The following POLG variants were observed in gnomAD, a reference collection of about 807,000 sequenced individuals.
POLG encodes DNA polymerase gamma, catalytic subunit.
A neutral mutation model predicts 155.4 loss-of-function variants in POLG; 110 were observed. The observed-to-expected ratio is 0.71, with a 90% CI of 0.61 to 0.83. POLG has a LOEUF of 0.83. POLG is among the 40% of genes least tolerant of loss of function. The pLI, the probability that POLG is intolerant of heterozygous loss-of-function variation, is 0.00. For synonymous variants in POLG, 701 were observed against 631.5 expected (o/e 1.11, Z -1.65); for missense variants, 1,685 against 1,627.5 (o/e 1.04, Z -0.61).
Position 89,333,440 on chromosome 15 carries a change from C to T in POLG, c.315G>A (p.Glu105=), listed in dbSNP as rs1411980838. The change falls in exon 2 of 23, where the codon GAG becomes GAA. Residue 105 remains glutamate, a synonymous_variant. Coordinates refer to ENST00000268124, the MANE Select transcript of POLG (RefSeq NM_002693.3). ...PGEAAVRRSV[E]HLQKHGLWGQ... ...CCCAGAGCCCGTGCTTCTGCAGGTG[C>T]TCGACGCTGCGGCGCACCGCGGCCT... The T allele has an allele frequency of 6.2e-7, 1 of 1,609,456 alleles. No individual in the cohort carries two copies. Among genetic ancestry groups the T allele is most frequent in the Non-Finnish European group, 8.5e-7 (1 of 1,179,648 alleles).
chr15:89,317,081 A>G (rs1220492193), intron 22 of POLG: 3 of 590,874 alleles, frequency 5.1e-6, no homozygotes, highest in Non-Finnish European at 6.0e-6. Context: ...TTTTTCTGTC[A>G]CCTATAGAGT....
intron 22 of POLG, 41 bp from the exon 23 acceptor site, chr15:89,316,868 A>G: frequency 2.1e-6 from 3 of 1,410,802 alleles, no homozygotes; most frequent in Non-Finnish European, 2.0e-6. Flanking sequence ...CACCTCAAGA[A>G]CTGTAACTGA....
chr15:89,322,254 CG>C (rs1277673807), intron 14 of POLG, among the ~76,000 whole-genome samples: 1 of 152,158 alleles, frequency 6.6e-6, no homozygotes, highest in Non-Finnish European at 1.5e-5. Flanking sequence ...CGCTCCTCTC[CG>C]GGGGGCATCC....
Position 89,318,620 on chromosome 15 carries a change from C to A in POLG, c.3403G>T (p.Asp1135Tyr). Residue 1135 changes from aspartate to tyrosine, a missense_variant, in exon 21 of 23, where the codon GAC (aspartate) becomes TAC (tyrosine). By Grantham distance (160) the Asp-to-Tyr change is radical (BLOSUM62 -3). Around this residue, in one of 3 missense-constraint regions of POLG, gnomAD observed 470 missense variants for 439.9 expected, o/e 1.07. Coordinates refer to ENST00000268124, the MANE Select transcript of POLG (RefSeq NM_002693.3). ...IDGRFCISIH[D>Y]EVRYLVREED... ...TCCCGCACCAGGTAGCGAACCTCGT[C>A]ATGGATGCTGATGCAGAAGCGCCCA... 1 of 1,614,202 alleles carries A rather than the reference C, an allele frequency of 6.2e-7. No homozygotes were observed. The highest frequency in any genetic ancestry group is 8.5e-7 in the Non-Finnish European group (1 of 1,180,034).
chr15:89,324,906 G>C (rs1364501909), intron 10 of POLG, among the ~76,000 whole-genome samples: 1 of 152,182 alleles, frequency 6.6e-6, no homozygotes, highest in African/African-American at 2.4e-5. Flanking sequence ...TTCCTGTGAA[G>C]GCAGCTATGC....
Position 89,333,899 on chromosome 15 carries a change from C to T in POLG, c.-145G>A. Reference sequence around the variant, plus strand: ...GTGAAATGGGTTTGACCATGCCTGCCTTCCACCCCAAATCCTAAAGGAGAC... The same window carrying T: ...GTGAAATGGGTTTGACCATGCCTGCTTTCCACCCCAAATCCTAAAGGAGAC... On this transcript the variant is annotated 5_prime_UTR_variant, in exon 2 of 23. Transcript: ENST00000268124. 1.0e-5 allele frequency: 9 copies of T among 885,848 alleles called. No individual in the cohort carries two copies. The highest frequency in any genetic ancestry group is 1.5e-5 in the South Asian group (1 of 65,872). The allele number at this position is 885,848 out of a possible 1,614,324, so 54.9% of individuals were successfully genotyped here.
chr15:89,317,269 A>G, intron 22 of POLG, 107 bp downstream of exon 22: 1 of 916,202 alleles, frequency 1.1e-6, no homozygotes, highest in Non-Finnish European at 1.8e-6. Flanking sequence ...ATATAGCCTG[A>G]GTCAAGAGTG....
chr15:89,327,324 C>A lies in POLG; in HGVS notation c.1276G>T (p.Gly426Cys). 1 of 1,613,850 alleles carries A rather than the reference C, an allele frequency of 6.2e-7. No homozygotes were observed. Among genetic ancestry groups the A allele is most frequent in the Non-Finnish European group, 8.5e-7 (1 of 1,180,030 alleles). The change falls in exon 7 of 23, where the codon GGC becomes TGC. Residue 426 changes from glycine to cysteine, a missense_variant. By Grantham distance (159) the Gly-to-Cys change is radical (BLOSUM62 -3). Coordinates refer to ENST00000268124, the MANE Select transcript of POLG (RefSeq NM_002693.3). Reference sequence around the variant, plus strand: ...TAGGAGACACCCATCTCCAGCATGCCGGCCAGAGTCACTGGGTGGGGACAC... The same window carrying A: ...TAGGAGACACCCATCTCCAGCATGCAGGCCAGAGTCACTGGGTGGGGACAC... ...ERCPHPVTLAGMLEMGVSYLP... is the reference protein window; with the variant it reads ...ERCPHPVTLACMLEMGVSYLP...
chr15:89,323,858 A>G lies in POLG; in HGVS notation c.2114T>C (p.Met705Thr). 1 of 1,614,148 alleles carries G rather than the reference A, an allele frequency of 6.2e-7. No individual in the cohort carries two copies. The highest frequency in any genetic ancestry group is 8.5e-7 in the Non-Finnish European group (1 of 1,179,986). ...DYLEVEAEAK[M>T]ENLRAAVPGQ... is the part of the protein sequence containing the mutation. ...TGGCACTGCAGCTCGCAAGTTCTCC[A>G]TCTTGGCCTCAGCCTCCACTTCTAA... Residue 705 changes from methionine (M) to threonine (T), a missense_variant, in exon 12 of 23, where the codon ATG becomes ACG. Physicochemically the swap from Met to Thr is moderately conservative, Grantham distance 81 (BLOSUM62 -1). Transcript: ENST00000268124.
rs2055453915 is a variant in POLG, at chr15:89,325,041, T to TGAGTGAGTGAGAGAGTGAGTGAGTGAGA, written c.1949+408_1949+409insTCTCACTCACTCACTCTCTCACTCACTC. Among the ~76,000 whole-genome samples the TGAGTGAGTGAGAGAGTGAGTGAGTGAGA allele has an allele frequency of 2.3e-4, 12 of 52,028 alleles. 3 individuals are homozygous for TGAGTGAGTGAGAGAGTGAGTGAGTGAGA. Among genetic ancestry groups the TGAGTGAGTGAGAGAGTGAGTGAGTGAGA allele is most frequent in the African/African-American group, 9.5e-4 (12 of 12,680 alleles). 34.1% of individuals were successfully genotyped at this position (52,028 alleles called of 152,430 possible). Reference sequence around the variant, plus strand: ...GAAGAAAAAACCTGAACCCAGAGAGTGAGTGAGTGAGTGAGAGAGTGAGTG... The same window carrying TGAGTGAGTGAGAGAGTGAGTGAGTGAGA: ...GAAGAAAAAACCTGAACCCAGAGAGTGAGTGAGTGAGAGAGTGAGTGAGTGAGAGAGTGAGTGAGTGAGAGAGTGAGTG... On this transcript the variant is annotated intron_variant, in intron 10 of 22. Transcript: ENST00000268124.
Position 89,325,647 on chromosome 15 carries a change from T to G in POLG, c.1752A>C (p.Ala584=), listed in dbSNP as rs150929445. The G allele has an allele frequency of 1.6e-5, 26 of 1,611,852 alleles. No homozygotes were observed. The African/African-American group carries it at 3.3e-4, about 21-fold the overall frequency. Residue 584 remains alanine, a synonymous_variant, in exon 10 of 23, where the codon GCA becomes GCC. Coordinates refer to ENST00000268124, the MANE Select transcript of POLG (RefSeq NM_002693.3). ...TGAGGAGGCTGGGGCCCGGGGTCCA[T>G]GCAGGGTCGTCTAGCCGGGGGCAGA... The part of the protein sequence containing the change: ...RKLCPRLDDP[A]WTPGPSLLSL...
intron 10 of POLG, 43 bp from the exon 11 acceptor site, chr15:89,324,270 T>G: frequency 1.2e-6 from 2 of 1,605,598 alleles, no homozygotes; most frequent in South Asian, 1.1e-5. Context: ...GATTACCAGA[T>G]GCCCACTCTG....
intron 9 of POLG, 128 bp downstream of exon 9, chr15:89,326,484 C>A: frequency 9.6e-7 from 1 of 1,042,754 alleles, no homozygotes; most frequent in Non-Finnish European, 1.4e-6. Flanking sequence ...GACAGTGTGA[C>A]TGAATGGCAG....
rs1434195885 is a variant in POLG, at chr15:89,333,119, C to T, written c.636G>A (p.Ala212=). 6.6e-7 allele frequency: 1 copy of T among 1,523,074 alleles called. No individual in the cohort carries two copies. Among genetic ancestry groups the T allele is most frequent in the Non-Finnish European group, 8.8e-7 (1 of 1,135,484 alleles). The allele number at this position is 1,523,074 out of a possible 1,614,324, so 94.3% of individuals were successfully genotyped here. ...ACCAGGCCGAGGGGGATATGGCCAC[C>T]GCCAATGTGGGGCAAGTTCCCTCTG... is the stretch of plus-strand genomic sequence containing the variant. ...CLAEGTCPTL[A]VAISPSAWYS... The change falls in exon 2 of 23, where the codon GCG becomes GCA. Residue 212 remains alanine (A), a synonymous_variant. Transcript: ENST00000268124.
chr15:89,325,799 G>A, intron 9 of POLG, 113 bp from the exon 10 acceptor site: 2 of 884,002 alleles, frequency 2.3e-6, no homozygotes, highest in Non-Finnish European at 1.9e-6. Context: ...GGGCTTTCTG[G>A]TGACCCCAGC....
rs564582352 is a variant in POLG at position 89,329,104 on chromosome 15, G to A, written c.862C>T (p.Arg288Cys). 77 of 1,611,748 alleles carry A rather than the reference G, an allele frequency of 4.8e-5. No homozygotes were observed. The South Asian group carries it at 5.3e-4, about 11-fold the overall frequency. The change falls in exon 4 of 23, where the codon CGC (arginine) becomes TGC (cysteine). Residue 288 changes from arginine (R) to cysteine (C), a missense_variant. Coordinates refer to ENST00000268124, the MANE Select transcript of POLG (RefSeq NM_002693.3). ...IREQYLIQGS[R>C]MRFLDTMSMH... ...CTCATGGTGTCCAGGAAACGCATGC[G>A]GGAACCCTGAGGAGGAGGAGGAGAA...
At chr15:89,333,073 T>A in intron 2 of POLG, 23 bp downstream of exon 2, 3 of 1,504,676 alleles carry the variant, frequency 2.0e-6, no homozygotes, top group South Asian at 2.7e-5. Context: ...CCTGCTTATG[T>A]CCCCAACCCT....
intron 21 of POLG, chr15:89,318,143 CTT>C (rs994546966): frequency 1.0e-5 from 2 of 198,242 alleles, no homozygotes; most frequent in Admixed American, 5.4e-5. Flanking sequence ...AAATAACAAA[CTT>C]TTGGCACTTA....
At position 89,325,566 on chromosome 15, in the gene POLG, A is replaced by C. The variant is rs747757381; in HGVS notation, c.1833T>G (p.Pro611=). ...KLMALTWDGF[P]LHYSERHGWG... Reference sequence around the variant, plus strand: ...AGCCATGACGCTCTGAGTAGTGCAGAGGGAAGCCATCCCAGGTAAGTGCCA... The same window carrying C: ...AGCCATGACGCTCTGAGTAGTGCAGCGGGAAGCCATCCCAGGTAAGTGCCA... Residue 611 remains proline (P), a synonymous_variant, in exon 10 of 23, where the codon CCT becomes CCG. Transcript: ENST00000268124. The C allele has an allele frequency of 6.2e-7, 1 of 1,613,758 alleles. No homozygotes were observed. The highest frequency in any genetic ancestry group is 8.5e-7 in the Non-Finnish European group (1 of 1,179,990).
Sources: gnomAD v4.1 joint callset for allele counts (sites outside exome capture counted in the v4.1 genomes callset) on GRCh38, gnomAD v4.1.1 for gene constraint, gnomAD v4.1.1 regional missense constraint, MANE v1.5 for transcripts, NCBI Gene and HGNC (gene_info 2026-07-23, HGNC 2026-07-21) for gene names.